PLXNC1: variants seen among roughly 807,000 people sequenced by gnomAD.
PLXNC1 encodes the protein plexin C1, also known as plexin-C1.
PLXNC1 carries 75 observed loss-of-function variants against 178.2 expected under a neutral mutation model. That is an observed-to-expected ratio of 0.42 (90% confidence interval 0.35 to 0.51). The LOEUF (loss-of-function observed/expected upper bound fraction) is 0.51. PLXNC1 is among the 20% of genes least tolerant of loss of function. The pLI is 0.02. For synonymous variants in PLXNC1, 790 were observed against 779.9 expected (o/e 1.01, Z -0.22); for missense variants, 1,503 against 1,984.4 (o/e 0.76, Z 4.61).
chr12:94,237,227 A>T (rs1964266317), intron 9 of PLXNC1, among the ~76,000 whole-genome samples: 1 of 152,172 alleles, frequency 6.6e-6, no homozygotes, highest in Admixed American at 6.5e-5. Flanking sequence ...CTTTCTTGGG[A>T]ACTGAATTTA....
chr12:94,305,096 A>C, intron 30 of PLXNC1, 85 bp from the exon 31 acceptor site: 1 of 760,386 alleles, frequency 1.3e-6, no homozygotes, highest in Non-Finnish European at 2.2e-6. Flanking sequence ...TACAGATTTT[A>C]CCACTCACAG....
chr12:94,190,286 G>C (rs1962673998), intron 4 of PLXNC1, among the ~76,000 whole-genome samples: 1 of 152,204 alleles, frequency 6.6e-6, no homozygotes, highest in Admixed American at 6.5e-5. Context: ...CTGTCACCCA[G>C]GCTGGAGTGC....
At chr12:94,240,036 A>C (rs868543373) in intron 10 of PLXNC1, among the ~76,000 whole-genome samples, 26 of 152,110 alleles carry the variant, frequency 1.7e-4, no homozygotes, top group Middle Eastern at 3.2e-3. Flanking sequence ...TGCTTCATCT[A>C]TCTTATCTGG....
intron 2 of PLXNC1, among the ~76,000 whole-genome samples, chr12:94,175,328 G>A (rs989208783): frequency 2.0e-5 from 3 of 152,174 alleles, no homozygotes; most frequent in African/African-American, 7.2e-5. Context: ...ATTAAATTTG[G>A]CATAAAATAT....
chr12:94,260,714 G>A lies in PLXNC1; in HGVS notation c.3324G>A (p.Val1108=), dbSNP rs1348186115. The A allele has an allele frequency of 6.2e-7, 1 of 1,614,166 alleles. No homozygotes were observed. Among genetic ancestry groups the A allele is most frequent in the Admixed American group, 1.7e-5 (1 of 60,014 alleles). ...TCTACCTGACCAGCATCCTAGAGGT[G>A]CTGACCAGGGACTTGATGGAACAGT... ...KLVYLTSILE[V]LTRDLMEQCS... The change falls in exon 20 of 31, where the codon GTG becomes GTA. Residue 1108 remains valine (V), a synonymous_variant. Coordinates refer to ENST00000258526, the MANE Select transcript of PLXNC1 (RefSeq NM_005761.3). This position sits in a 1 kb window ranked among gnomAD's most constrained non-coding sequence, Gnocchi z 4.4.
Position 94,301,011 on chromosome 12 carries a change from A to G in PLXNC1, c.4340A>G (p.Gln1447Arg). 1 of 1,613,904 alleles carries G rather than the reference A, an allele frequency of 6.2e-7. No individual in the cohort carries two copies. Among genetic ancestry groups the G allele is most frequent in the Non-Finnish European group, 8.5e-7 (1 of 1,179,826 alleles). ...HIDGCLSVIA[Q>R]AFMDAFSLTE... ...GACGGCTGTTTGTCAGTGATTGCCC[A>G]GGCATTCATGGATGCATTTTCTCTC... Residue 1447 changes from glutamine to arginine, a missense_variant, in exon 28 of 31, where the codon CAG (glutamine) becomes CGG (arginine). By Grantham distance (43) the Gln-to-Arg change is conservative. Coordinates refer to ENST00000258526, the MANE Select transcript of PLXNC1 (RefSeq NM_005761.3).
intron 4 of PLXNC1, among the ~76,000 whole-genome samples, chr12:94,199,995 A>G (rs746277959): frequency 6.6e-6 from 1 of 152,174 alleles, no homozygotes; most frequent in Non-Finnish European, 1.5e-5. Context: ...GGGTTTCACC[A>G]TGTTGGCCAG....
intron 20 of PLXNC1, 99 bp from the exon 21 acceptor site, chr12:94,264,980 C>A: frequency 8.2e-7 from 1 of 1,217,068 alleles, no homozygotes. Flanking sequence ...TTAGAAAACC[C>A]TGTCTCCTGC....
At chr12:94,284,481 C>A (rs1261826167) in intron 23 of PLXNC1, among the ~76,000 whole-genome samples, 1 of 152,170 alleles carries the variant, frequency 6.6e-6, no homozygotes, top group East Asian at 1.9e-4. Flanking sequence ...TGAAAGGCAT[C>A]TGAAAGGTTT....
chr12:94,193,289 C>G (rs534317972), intron 4 of PLXNC1, among the ~76,000 whole-genome samples: 171 of 152,184 alleles, frequency 1.1e-3, no homozygotes, highest in African/African-American at 3.8e-3. Flanking sequence ...CCGGAGGGGA[C>G]TGAGAAGAGC....
intron 1 of PLXNC1, chr12:94,168,094 G>C (rs1348771102): frequency 4.6e-5 from 7 of 152,166 alleles, no homozygotes; most frequent in African/African-American, 1.7e-4. Flanking sequence ...ATAAGTCTTA[G>C]CCTCCCCCTC....
chr12:94,263,971 C>T lies in PLXNC1; in HGVS notation c.3451-1108C>T, dbSNP rs113329361. 1.3e-4 allele frequency among the ~76,000 whole-genome samples: 20 copies of T among 152,192 alleles called. 1 individual carries two copies. The highest frequency in any genetic ancestry group is 3.6e-4 in the African/African-American group (15 of 41,538). On this transcript the variant is annotated intron_variant, in intron 20 of 30. Coordinates refer to ENST00000258526, the MANE Select transcript of PLXNC1 (RefSeq NM_005761.3). ...TGCGCAAGGGAAAGCAGGTGAGACC[C>T]AGTGGAATCCTCCTTTCCCAGCTGG...
intron 28 of PLXNC1, 61 bp from the exon 29 acceptor site, chr12:94,303,695 T>C: frequency 1.2e-5 from 4 of 329,578 alleles, no homozygotes; most frequent in Non-Finnish European, 1.8e-5. Context: ...TCCTCCATCT[T>C]TTTTTTTTTT....
chr12:94,263,207 C>G (rs553977039), intron 20 of PLXNC1, among the ~76,000 whole-genome samples: 1 of 151,990 alleles, frequency 6.6e-6, no homozygotes, highest in South Asian at 2.1e-4. Flanking sequence ...ACCGCCTCCC[C>G]GCCCCCGGCC....
At chr12:94,210,009 T>C (rs150158375) in intron 5 of PLXNC1, among the ~76,000 whole-genome samples, 10 of 152,298 alleles carry the variant, frequency 6.6e-5, no homozygotes, top group Non-Finnish European at 1.3e-4. Flanking sequence ...TCTAATGTTG[T>C]AGAAATACAT....
At chr12:94,262,508 G>C (rs1965020214) in intron 20 of PLXNC1, 2 of 985,382 alleles carry the variant, frequency 2.0e-6, no homozygotes, top group Non-Finnish European at 2.4e-6. Flanking sequence ...AAAGCATTCT[G>C]GGTCAAGACT....
chr12:94,168,097 T>A (rs1318362311), intron 1 of PLXNC1: 1 of 152,170 alleles, frequency 6.6e-6, no homozygotes, highest in East Asian at 1.9e-4. Flanking sequence ...AGTCTTAGCC[T>A]CCCCCTCCCC....
chr12:94,154,465 C>G (rs1472515038), intron 1 of PLXNC1, among the ~76,000 whole-genome samples: 1 of 152,214 alleles, frequency 6.6e-6, no homozygotes, highest in African/African-American at 2.4e-5. Flanking sequence ...CACATTAACT[C>G]ATGAATCCAG....
intron 23 of PLXNC1, among the ~76,000 whole-genome samples, chr12:94,289,324 GC>G (rs1014487868): frequency 1.1e-4 from 16 of 152,120 alleles, no homozygotes; most frequent in Non-Finnish European, 7.3e-5. Context: ...ACGTGGGGTG[GC>G]CCCAATTCCC....
Sources: gnomAD v4.1 joint callset for allele counts (sites outside exome capture counted in the v4.1 genomes callset) on GRCh38, gnomAD v4.1.1 for gene constraint, Gnocchi (gnomAD v3.1) non-coding constraint, MANE v1.5 for transcripts, NCBI Gene and HGNC (gene_info 2026-07-23, HGNC 2026-07-21) for gene names.